NUP54: variants seen among roughly 807,000 people sequenced by gnomAD.
NUP54 encodes nucleoporin 54, also known as nucleoporin p54.
NUP54 carries 27 observed loss-of-function variants against 66.4 expected under a neutral mutation model. The observed-to-expected ratio is 0.41, with a 90% CI of 0.30 to 0.56. NUP54 has a LOEUF of 0.56. Among genes scored for constraint, NUP54 ranks in the 20% least tolerant of loss-of-function variants. NUP54 has a pLI of 0.34. For missense variants in NUP54, 486 were observed against 596.3 expected, an observed-to-expected ratio of 0.82 and a Z score of 1.93; for synonymous variants, 206 against 210.7, an observed-to-expected ratio of 0.98 and a Z score of 0.19.
chr4:76,143,078 C>CAA (rs965380344), intron 3 of NUP54, among the ~76,000 whole-genome samples: 1 of 145,460 alleles, frequency 6.9e-6, no homozygotes, highest in South Asian at 2.2e-4. Context: ...GCTGATCACT[C>CAA]AAAAAAAAAA....
intron 3 of NUP54, among the ~76,000 whole-genome samples, chr4:76,141,307 T>A (rs1415931027): frequency 3.9e-5 from 6 of 152,174 alleles, no homozygotes; most frequent in African/African-American, 1.4e-4. Context: ...TCTAGTACTC[T>A]CCTCTTACTC....
chr4:76,122,362 AC>A (rs35838174), intron 9 of NUP54, among the ~76,000 whole-genome samples: 2,351 of 152,250 alleles, frequency 0.015, 55 homozygotes, highest in African/African-American at 0.053. Flanking sequence ...TCGTGTAACC[AC>A]CACAGTGATT....
At chr4:76,125,228 C>A (rs937931683) in intron 8 of NUP54, among the ~76,000 whole-genome samples, 3 of 135,178 alleles carry the variant, frequency 2.2e-5, no homozygotes, top group Non-Finnish European at 5.1e-5. Flanking sequence ...GGGATGGAGC[C>A]GAGATCGTGC....
chr4:76,125,296 A>G (rs1352749854), intron 8 of NUP54, among the ~76,000 whole-genome samples: 2 of 113,366 alleles, frequency 1.8e-5, no homozygotes, highest in African/African-American at 6.2e-5. Context: ...ACAAAAAACA[A>G]AAAACAGAGT....
intron 9 of NUP54, among the ~76,000 whole-genome samples, chr4:76,120,491 G>A (rs62299352): frequency 0.13 from 19,528 of 145,058 alleles, 1,511 homozygotes; most frequent in East Asian, 0.35. Context: ...GTGCAGTGCC[G>A]TGATCTTGGC....
chr4:76,134,440 T>G (rs879830043), intron 4 of NUP54, 78 bp from the exon 5 acceptor site: 1 of 1,165,464 alleles, frequency 8.6e-7, no homozygotes, highest in South Asian at 1.5e-5. Flanking sequence ...TAGCTTAATA[T>G]CTGCTAAAAT....
rs974208953 is a variant in NUP54, at chr4:76,115,101, T to C, written c.*265A>G. 1.1e-4 allele frequency: 32 copies of C among 292,708 alleles called. No individual in the cohort carries two copies. Among genetic ancestry groups the C allele is most frequent in the Admixed American group, 1.0e-4 (2 of 19,392 alleles). The allele number at this position is 292,708 out of a possible 1,614,324, so 18.1% of individuals were successfully genotyped here. On this transcript the variant is annotated 3_prime_UTR_variant, in exon 12 of 12. Transcript: ENST00000264883. Reference sequence around the variant, plus strand: ...AAAATGCTGTTGTAAAAATGTACAATAGTACATACAATTTTGGTAATTATG... The same window carrying C: ...AAAATGCTGTTGTAAAAATGTACAACAGTACATACAATTTTGGTAATTATG...
At chr4:76,119,992 C>T (rs1404101704) in intron 9 of NUP54, among the ~76,000 whole-genome samples, 1 of 151,980 alleles carries the variant, frequency 6.6e-6, no homozygotes, top group African/African-American at 2.4e-5. Flanking sequence ...CATGAAATGC[C>T]TTAAGAAGTA....
Position 76,134,352 on chromosome 4 carries a change from T to C in NUP54, c.533A>G (p.Tyr178Cys), listed in dbSNP as rs1345673116. 9.9e-6 allele frequency: 16 copies of C among 1,612,492 alleles called. No homozygotes were observed. Among genetic ancestry groups the C allele is most frequent in the Non-Finnish European group, 1.3e-5 (15 of 1,179,144 alleles). ...ATCTTTATTACTGGGCATGCAACTATAACCTACTGCCTGTGGAATGACAAA... is the reference window on the plus strand; with the variant it reads ...ATCTTTATTACTGGGCATGCAACTACAACCTACTGCCTGTGGAATGACAAA... ...NPFCRFKAVG[Y>C]SCMPSNKDED... The change falls in exon 5 of 12, where the codon TAT becomes TGT. Residue 178 changes from tyrosine (Y) to cysteine (C), a missense_variant. Transcript: ENST00000264883.
Position 76,144,165 on chromosome 4 carries a change from C to CTGCTGT in NUP54, c.278_279insACAGCA (p.Gln96_Gln97dup). 6.2e-7 allele frequency: 1 copy of CTGCTGT among 1,613,652 alleles called. No homozygotes were observed. Among genetic ancestry groups the CTGCTGT allele is most frequent in the South Asian group, 1.1e-5 (1 of 91,064 alleles). On this transcript the variant is annotated inframe_insertion, in exon 3 of 12. Transcript: ENST00000264883. Reference sequence around the variant, plus strand: ...CATACTTACTAGTTTGCTGCTGCTGCTGTGTATTAAATCCTCCAAATCCCA... The same window carrying CTGCTGT: ...CATACTTACTAGTTTGCTGCTGCTGCTGCTGTTGTGTATTAAATCCTCCAAATCCCA...
intron 5 of NUP54, among the ~76,000 whole-genome samples, chr4:76,133,605 C>G (rs1207208912): frequency 1.3e-5 from 2 of 152,116 alleles, no homozygotes; most frequent in Non-Finnish European, 2.9e-5. Context: ...CCGTGCCCGG[C>G]CAATAAGATA....
intron 9 of NUP54, among the ~76,000 whole-genome samples, chr4:76,121,285 C>G (rs942344745): frequency 4.6e-5 from 7 of 152,136 alleles, no homozygotes; most frequent in African/African-American, 1.7e-4. Flanking sequence ...CTACTCTGTT[C>G]CATGCATTGT....
At chr4:76,131,173 T>G in intron 7 of NUP54, 57 bp downstream of exon 7, 1 of 1,032,958 alleles carries the variant, frequency 9.7e-7, no homozygotes, top group Non-Finnish European at 1.5e-6. Flanking sequence ...CTCCCATGTT[T>G]GCTTTCCTAG....
intron 1 of NUP54, chr4:76,147,856 C>T (rs1311995930): frequency 1.2e-5 from 4 of 339,558 alleles, no homozygotes; most frequent in African/African-American, 6.4e-5. Context: ...CCACAGGGGG[C>T]CGGGGGTGGA....
intron 3 of NUP54, 29 bp downstream of exon 3, chr4:76,144,120 G>T: frequency 6.2e-7 from 1 of 1,611,566 alleles, no homozygotes; most frequent in Non-Finnish European, 8.5e-7. Context: ...TCACGGTTTT[G>T]TATTTGAAGC....
intron 3 of NUP54, among the ~76,000 whole-genome samples, chr4:76,140,678 A>G (rs1027302906): frequency 6.6e-6 from 1 of 152,210 alleles, no homozygotes; most frequent in African/African-American, 2.4e-5. Context: ...ACTGCTATAG[A>G]AAGCAGGAGA....
At position 76,136,382 on chromosome 4, in the gene NUP54, T is replaced by G; in HGVS notation, c.326A>C (p.Gln109Pro). 6.2e-7 allele frequency: 1 copy of G among 1,613,954 alleles called. No homozygotes were observed. The highest frequency in any genetic ancestry group is 8.5e-7 in the Non-Finnish European group (1 of 1,179,924). Reference sequence around the variant, plus strand: ...CAGCTGGTTGGACTGGGTAGGAGCTTGTGTAGGCTGACTGAAGAGACCACC... The same window carrying G: ...CAGCTGGTTGGACTGGGTAGGAGCTGGTGTAGGCTGACTGAAGAGACCACC... ...TLGGLFSQPT[Q>P]APTQSNQLIN... Residue 109 changes from glutamine to proline, a missense_variant, in exon 4 of 12, where the codon CAA becomes CCA. Physicochemically the swap from Gln to Pro is moderately conservative, Grantham distance 76. Coordinates refer to ENST00000264883, the MANE Select transcript of NUP54 (RefSeq NM_017426.4).
At chr4:76,118,578 G>GGGGGGGGT (rs1730068907) in intron 9 of NUP54, 1 of 72,512 alleles carries the variant, frequency 1.4e-5, no homozygotes, top group Non-Finnish European at 2.5e-5. Flanking sequence ...CGGGGTGGGG[G>GGGGGGGGT]GGGGGGTCTC....
chr4:76,134,891 A>G (rs112616175), intron 4 of NUP54, among the ~76,000 whole-genome samples: 14 of 152,212 alleles, frequency 9.2e-5, no homozygotes, highest in African/African-American at 3.4e-4. Flanking sequence ...ATTCTGCCCA[A>G]TTGTACACTA....
Sources: allele counts gnomAD v4.1 joint callset (sites outside exome capture counted in the v4.1 genomes callset), GRCh38; gene constraint gnomAD v4.1.1; transcripts MANE v1.5; gene names NCBI Gene and HGNC (gene_info 2026-07-23, HGNC 2026-07-21).